Variants in EEA1 observed in about 807,000 individuals in gnomAD.
EEA1 encodes the protein early endosome antigen 1, 162kD.
In EEA1, 111 loss-of-function variants were observed where a neutral mutation model predicts 209.2. The observed-to-expected ratio is 0.53, with a 90% CI of 0.45 to 0.62. The LOEUF is 0.62. Among genes scored for constraint, EEA1 ranks in the 20% least tolerant of loss-of-function variants. The pLI is 0.00. For missense variants in EEA1, 1,343 were observed against 1,530.8 expected (o/e 0.88, Z 2.05); for synonymous variants, 536 against 540.6 (o/e 0.99, Z 0.12).
intron 21 of EEA1, among the ~76,000 whole-genome samples, chr12:92,797,675 G>T (rs1383338240): frequency 1.3e-5 from 2 of 152,212 alleles, no homozygotes; most frequent in East Asian, 3.9e-4. Context: ...TGAAGAAAAT[G>T]ACCTCAGGAT....
At chr12:92,863,163 C>G (rs1415190747) in intron 3 of EEA1, among the ~76,000 whole-genome samples, 1 of 152,202 alleles carries the variant, frequency 6.6e-6, no homozygotes, top group Non-Finnish European at 1.5e-5. Context: ...AGAACTGGCA[C>G]AGCCAAATTT....
At chr12:92,863,821 G>T (rs965187033) in intron 3 of EEA1, among the ~76,000 whole-genome samples, 4 of 152,154 alleles carry the variant, frequency 2.6e-5, no homozygotes, top group African/African-American at 9.7e-5. Context: ...TAAATGAAAA[G>T]TTAAGAAGAA....
At chr12:92,856,737 TA>T (rs796720046) in intron 5 of EEA1, among the ~76,000 whole-genome samples, 3 of 136,832 alleles carry the variant, frequency 2.2e-5, no homozygotes, top group Non-Finnish European at 1.6e-5. Flanking sequence ...CAGCCTGGTA[TA>T]AAAAAAAACA....
chr12:92,915,319 G>T (rs7975221), intron 1 of EEA1, among the ~76,000 whole-genome samples: 2,576 of 152,098 alleles, frequency 0.017, 32 homozygotes, highest in East Asian at 0.04. Context: ...ATACAAAAAA[G>T]TAGCCAGGTG....
chr12:92,852,928 A>T lies in EEA1; in HGVS notation c.504T>A (p.Leu168=). 1 of 1,609,410 alleles carries T rather than the reference A, an allele frequency of 6.2e-7. No homozygotes were observed. Among genetic ancestry groups the T allele is most frequent in the Middle Eastern group, 1.7e-4 (1 of 6,038 alleles). The change falls in exon 7 of 29, where the codon CTT becomes CTA. Residue 168 remains leucine, a synonymous_variant. Coordinates refer to ENST00000322349, the MANE Select transcript of EEA1 (RefSeq NM_003566.4). ...TCAATTTACCTGCAATTTCAGTAGC[A>T]AGTTGGGCTGCTTTCTGTTCAAATA... is the stretch of plus-strand genomic sequence containing the variant. ...KDLFEQKAAQ[L]ATEIADIKSK... is the part of the protein sequence containing the mutation.
At chr12:92,875,557 A>G (rs1194249865) in intron 2 of EEA1, among the ~76,000 whole-genome samples, 1 of 152,128 alleles carries the variant, frequency 6.6e-6, no homozygotes, top group African/African-American at 2.4e-5. Context: ...TCACCATCAC[A>G]TTGTACACAG....
chr12:92,820,608 A>C (rs1430886033), intron 13 of EEA1, among the ~76,000 whole-genome samples: 1 of 152,074 alleles, frequency 6.6e-6, no homozygotes, highest in East Asian at 1.9e-4. Flanking sequence ...GTTGGGGGCA[A>C]GGAGAGGGAG....
intron 1 of EEA1, among the ~76,000 whole-genome samples, chr12:92,915,757 G>A (rs1880741870): frequency 6.6e-6 from 1 of 152,134 alleles, no homozygotes; most frequent in African/African-American, 2.4e-5. Flanking sequence ...CTAAGGACAG[G>A]ATGAATTCAC....
intron 1 of EEA1, among the ~76,000 whole-genome samples, chr12:92,898,709 CT>C (rs1038361396): frequency 7.4e-5 from 5 of 67,894 alleles, no homozygotes; most frequent in African/African-American, 1.0e-4. Context: ...ACTATGTCTT[CT>C]TTTTTTTTTC....
intron 18 of EEA1, among the ~76,000 whole-genome samples, chr12:92,803,613 T>C (rs1489674174): frequency 6.6e-6 from 1 of 152,082 alleles, no homozygotes; most frequent in African/African-American, 2.4e-5. Context: ...GATGTACTAA[T>C]AAAGTATTTG....
intron 21 of EEA1, among the ~76,000 whole-genome samples, chr12:92,791,901 A>G (rs1321895186): frequency 2.0e-5 from 3 of 152,248 alleles, no homozygotes; most frequent in Non-Finnish European, 2.9e-5. Context: ...AATGTAAAAG[A>G]ACAGAAATCA....
At chr12:92,896,384 C>T (rs988307034) in intron 1 of EEA1, among the ~76,000 whole-genome samples, 1 of 152,118 alleles carries the variant, frequency 6.6e-6, no homozygotes, top group Non-Finnish European at 1.5e-5. Flanking sequence ...ATGCTGTGAA[C>T]ACTGTTGAAA....
chr12:92,895,926 A>G (rs1218976138), intron 1 of EEA1, among the ~76,000 whole-genome samples: 1 of 152,188 alleles, frequency 6.6e-6, no homozygotes, highest in Non-Finnish European at 1.5e-5. Flanking sequence ...TGGAATCAGC[A>G]AGACAACTAG....
chr12:92,922,959 A>AAAAATAAAAT (rs77973737), intron 1 of EEA1, among the ~76,000 whole-genome samples: 4,087 of 145,540 alleles, frequency 0.028, 118 homozygotes, highest in African/African-American at 0.072. Context: ...ACTCCACCTC[A>AAAAATAAAAT]AAAATAAAAT....
chr12:92,929,037 T>C lies in EEA1; in HGVS notation c.24+6A>G. ...TGCTGCCAGAAAGACGGTTTCACTC[T>C]CTTACCCTCTGTAAAATCCTCCTTA... is the stretch of plus-strand genomic sequence containing the variant. On this transcript the variant is annotated splice_donor_region_variant and intron_variant, in intron 1 of 28. Transcript: ENST00000322349. The C allele has an allele frequency of 6.3e-7, 1 of 1,596,116 alleles. No homozygotes were observed. The highest frequency in any genetic ancestry group is 1.1e-5 in the South Asian group (1 of 88,664).
At chr12:92,827,880 A>G in intron 12 of EEA1, 32 bp downstream of exon 12, 1 of 1,511,998 alleles carries the variant, frequency 6.6e-7, no homozygotes, top group Non-Finnish European at 8.8e-7. Flanking sequence ...AGATGCCTCA[A>G]GCCTATCAAT....
At chr12:92,853,080 TG>T (rs1273878979) in intron 6 of EEA1, 55 bp from the exon 7 acceptor site, 1 of 1,112,450 alleles carries the variant, frequency 9.0e-7, no homozygotes, top group East Asian at 2.4e-5. Context: ...TATGCTAAAT[TG>T]TTATTACTTA....
intron 10 of EEA1, among the ~76,000 whole-genome samples, chr12:92,841,393 A>T (rs1565830695): frequency 1.3e-5 from 2 of 152,172 alleles, no homozygotes; most frequent in Non-Finnish European, 2.9e-5. Context: ...GCTTCATGAC[A>T]CTAGGTTTAG....
At chr12:92,780,542 T>C (rs2136649443) in intron 23 of EEA1, 131 bp from the exon 24 acceptor site, 1 of 573,598 alleles carries the variant, frequency 1.7e-6, no homozygotes, top group South Asian at 2.5e-5. Context: ...GCAAATTACT[T>C]ACCCTCTCTT....
Sources: allele counts gnomAD v4.1 joint callset (sites outside exome capture counted in the v4.1 genomes callset), GRCh38; gene constraint gnomAD v4.1.1; transcripts MANE v1.5; gene names NCBI Gene and HGNC (gene_info 2026-07-23, HGNC 2026-07-21).